Variants in KCNJ4 observed in about 807,000 individuals in gnomAD.
KCNJ4 encodes the protein inward rectifier potassium channel 4.
Under a neutral mutation model 25.6 loss-of-function variants are expected in KCNJ4, and 3 were observed. That is an observed-to-expected ratio of 0.12 (90% confidence interval 0.05 to 0.30). The LOEUF (loss-of-function observed/expected upper bound fraction) is 0.30, where lower values mean the gene tolerates loss of function less well. Among genes scored for constraint, KCNJ4 ranks in the 10% least tolerant of loss-of-function variants. The pLI, the probability that KCNJ4 is intolerant of heterozygous loss-of-function variation, is 1.00. For synonymous variants in KCNJ4, 257 were observed against 283.9 expected, an observed-to-expected ratio of 0.91 and a Z score of 0.95; for missense variants, 286 against 666.8, an observed-to-expected ratio of 0.43 and a Z score of 6.29.
At chr22:38,444,905 G>A (rs1021458014) in intron 1 of KCNJ4, among the ~76,000 whole-genome samples, 21 of 152,328 alleles carry the variant, frequency 1.4e-4, no homozygotes, top group African/African-American at 4.3e-4. Context: ...TTCCTGCCAG[G>A]TGCCAGATGT....
intron 1 of KCNJ4, among the ~76,000 whole-genome samples, chr22:38,438,054 C>T (rs1428927372): frequency 1.3e-5 from 2 of 151,868 alleles, no homozygotes; most frequent in Non-Finnish European, 2.9e-5. Context: ...GCCCAGCCAA[C>T]TTGGTGAAAC....
At chr22:38,453,803 G>T (rs1467084728) in intron 1 of KCNJ4, among the ~76,000 whole-genome samples, 1 of 152,196 alleles carries the variant, frequency 6.6e-6, no homozygotes, top group African/African-American at 2.4e-5. Context: ...ACCCCAGAAA[G>T]AGTCCCTCCT....
chr22:38,441,959 G>A (rs196079), intron 1 of KCNJ4, among the ~76,000 whole-genome samples: 59 of 152,282 alleles, frequency 3.9e-4, no homozygotes, highest in African/African-American at 1.3e-3. Flanking sequence ...AGTGATGAGC[G>A]GTGAGTATAG....
In KCNJ4 at chr22:38,426,753, G is replaced by A. The variant is rs1216846146; in HGVS notation, c.*42C>T. 1.3e-6 allele frequency: 2 copies of A among 1,561,630 alleles called. No homozygotes were observed. On this transcript the variant is annotated 3_prime_UTR_variant, in exon 2 of 2. Transcript: ENST00000303592. ...GGGGTGTCCTGGCATCCCACCCCCG[G>A]CAGAGGCTCTTGTGGGCAGTGGTGA...
intron 1 of KCNJ4, among the ~76,000 whole-genome samples, chr22:38,432,030 C>A (rs767594133): frequency 2.6e-5 from 4 of 151,508 alleles, no homozygotes; most frequent in African/African-American, 4.9e-5. Context: ...CTGAAGCGGG[C>A]GGATCACAAG....
At chr22:38,434,619 C>T (rs548152972) in intron 1 of KCNJ4, among the ~76,000 whole-genome samples, 5 of 152,226 alleles carry the variant, frequency 3.3e-5, no homozygotes, top group African/African-American at 1.2e-4. Flanking sequence ...GACCCCTTCT[C>T]CTGCCACATC....
At chr22:38,454,835 G>C (rs1408066521) in intron 1 of KCNJ4, 145 bp downstream of exon 1, 9 of 151,864 alleles carry the variant, frequency 5.9e-5, no homozygotes. Flanking sequence ...TCACGGGACC[G>C]CGCGCGCGGC....
At chr22:38,434,310 G>A (rs1224937485) in intron 1 of KCNJ4, among the ~76,000 whole-genome samples, 1 of 152,316 alleles carries the variant, frequency 6.6e-6, no homozygotes, top group African/African-American at 2.4e-5. Flanking sequence ...GGGATCCGAG[G>A]AACCAGTCAT....
rs1221032136 is a variant in KCNJ4 at position 38,449,797 on chromosome 22, C to T, written c.-40+5183G>A. On this transcript the variant is annotated intron_variant, in intron 1 of 1. Transcript: ENST00000303592. This position sits in a 1 kb window ranked among gnomAD's most constrained non-coding sequence, Gnocchi z 5.2. ...TTCTGTAAATGAGAATCATCTATGT[C>T]CAAAGTCTTCCAGGTTCACGACAGG... Among the ~76,000 whole-genome samples, 1 of 152,248 alleles carries T rather than the reference C, an allele frequency of 6.6e-6. No homozygotes were observed. The highest frequency in any genetic ancestry group is 2.4e-5 in the African/African-American group (1 of 41,472).
chr22:38,428,850 C>T (rs575295308), intron 1 of KCNJ4, among the ~76,000 whole-genome samples: 2 of 151,796 alleles, frequency 1.3e-5, no homozygotes, highest in Non-Finnish European at 2.9e-5. Flanking sequence ...TTTAGGAGGC[C>T]GAGATGCAAA....
chr22:38,434,916 C>T (rs111710632), intron 1 of KCNJ4, among the ~76,000 whole-genome samples: 44 of 152,284 alleles, frequency 2.9e-4, no homozygotes, highest in African/African-American at 1.0e-3. Context: ...CTCACCAGGC[C>T]GCTGCTGAAT....
intron 1 of KCNJ4, among the ~76,000 whole-genome samples, chr22:38,432,886 G>A (rs1470298144): frequency 2.6e-5 from 4 of 151,160 alleles, no homozygotes; most frequent in African/African-American, 2.4e-5. Flanking sequence ...CATGAGAATC[G>A]CTTGAACCCA....
intron 1 of KCNJ4, 146 bp from the exon 2 acceptor site, chr22:38,428,317 A>G (rs1223914215): frequency 1.3e-6 from 1 of 752,196 alleles, no homozygotes; most frequent in African/African-American, 1.8e-5. Flanking sequence ...GGAGGGTGGC[A>G]GCAGAGGTGG....
chr22:38,452,590 T>C (rs1459152773), intron 1 of KCNJ4, among the ~76,000 whole-genome samples: 3 of 152,110 alleles, frequency 2.0e-5, no homozygotes, highest in Admixed American at 1.3e-4. Context: ...TGCACTCGGC[T>C]TTCGTCCCGG....
At chr22:38,448,443 G>A (rs1400339410) in intron 1 of KCNJ4, among the ~76,000 whole-genome samples, 1 of 152,142 alleles carries the variant, frequency 6.6e-6, no homozygotes, top group Non-Finnish European at 1.5e-5. Flanking sequence ...CGGAGCCAGT[G>A]AGGGGCTGAG....
chr22:38,429,360 C>A (rs2093042560), intron 1 of KCNJ4, among the ~76,000 whole-genome samples: 1 of 152,194 alleles, frequency 6.6e-6, no homozygotes, highest in Non-Finnish European at 1.5e-5. Flanking sequence ...AAGCCACCTG[C>A]CAGCCACAAA....
intron 1 of KCNJ4, among the ~76,000 whole-genome samples, chr22:38,444,266 T>C (rs2089358038): frequency 6.6e-6 from 1 of 152,148 alleles, no homozygotes. Context: ...ATCTAACGAC[T>C]GACAAACAAG....
At chr22:38,444,805 G>GC (rs1412344492) in intron 1 of KCNJ4, among the ~76,000 whole-genome samples, 1 of 152,094 alleles carries the variant, frequency 6.6e-6, no homozygotes, top group Non-Finnish European at 1.5e-5. Context: ...GGCTCCTCAG[G>GC]CCAGAGAATC....
intron 1 of KCNJ4, among the ~76,000 whole-genome samples, chr22:38,448,100 G>C (rs2089387888): frequency 6.6e-6 from 1 of 150,924 alleles, no homozygotes; most frequent in African/African-American, 2.4e-5. Context: ...GAAAAAAGTA[G>C]CCGGGCATGG....
Sources: gnomAD v4.1 joint callset for allele counts (sites outside exome capture counted in the v4.1 genomes callset) on GRCh38, gnomAD v4.1.1 for gene constraint, Gnocchi (gnomAD v3.1) non-coding constraint, MANE v1.5 for transcripts, NCBI Gene and HGNC (gene_info 2026-07-23, HGNC 2026-07-21) for gene names.